The following CTXND1 variants were observed in gnomAD, a reference collection of about 807,000 sequenced individuals.
CTXND1 encodes cortexin domain-containing 1 protein.
At chr15:80,228,517 A>C (rs1893395803) in intron 1 of CTXND1, among the ~76,000 whole-genome samples, 1 of 152,100 alleles carries the variant, frequency 6.6e-6, no homozygotes, top group African/African-American at 2.4e-5. Flanking sequence ...AGTTTCCTTC[A>C]TGTTATGCCA....
intron 1 of CTXND1, among the ~76,000 whole-genome samples, chr15:80,222,662 A>G (rs1175649417): frequency 6.6e-6 from 1 of 152,178 alleles, no homozygotes; most frequent in East Asian, 1.9e-4. Context: ...TGAAATGGGT[A>G]TAGTTGTAAT....
At chr15:80,245,519 C>T (rs781206334) in intron 1 of CTXND1, among the ~76,000 whole-genome samples, 8 of 152,168 alleles carry the variant, frequency 5.3e-5, no homozygotes, top group Non-Finnish European at 1.0e-4. Context: ...GCACATGTCC[C>T]AAGATTGCCT....
rs2041437755 is a variant in CTXND1 at position 80,199,499 on chromosome 15, T to G, written c.*2271A>C. The G allele has an allele frequency of 6.6e-6, 1 of 152,270 alleles. No homozygotes were observed. 9.4% of individuals were successfully genotyped at this position (152,270 alleles called of 1,614,324 possible). A position where few individuals can be genotyped will look rare whatever the true frequency, so the allele number is the denominator to read the frequency against. ...TCTAGTTTGCATTGTAAATGCATGC[T>G]GATGAGCTTTTCACAGAAATGCCTG... On this transcript the variant is annotated 3_prime_UTR_variant, in exon 3 of 3. Transcript: ENST00000560778.
At chr15:80,220,880 C>T in intron 1 of CTXND1, among the ~76,000 whole-genome samples, 1 of 148,820 alleles carries the variant, frequency 6.7e-6, no homozygotes, top group African/African-American at 2.5e-5. Context: ...TTACTGAGCT[C>T]TATTATTAAT....
At chr15:80,232,941 CTTT>C (rs71455324) in intron 1 of CTXND1, among the ~76,000 whole-genome samples, 3 of 123,202 alleles carry the variant, frequency 2.4e-5, no homozygotes, top group Admixed American at 8.8e-5. Flanking sequence ...ATGCAACTTC[CTTT>C]TTTTTTTTTT....
intron 2 of CTXND1, 54 bp from the exon 3 acceptor site, chr15:80,202,068 G>C (rs1022235027): frequency 2.5e-6 from 1 of 397,546 alleles, no homozygotes. Flanking sequence ...GGTGCCTGGG[G>C]TGATTGCAGG....
rs2041442243 is a variant in CTXND1, at chr15:80,200,306, G to C, written c.*1464C>G. ...TTTCGTCCTCACAACAACCTTGCGA[G>C]GTAGATGTTATTCCCTCACTTTACA... On this transcript the variant is annotated 3_prime_UTR_variant, in exon 3 of 3. Coordinates refer to ENST00000560778, the MANE Select transcript of CTXND1 (RefSeq NM_001352888.2). 1 of 152,238 alleles carries C rather than the reference G, an allele frequency of 6.6e-6. No homozygotes were observed. Among genetic ancestry groups the C allele is most frequent in the African/African-American group, 2.4e-5 (1 of 41,454 alleles). The allele number at this position is 152,238 out of a possible 1,614,324, so 9.4% of individuals were successfully genotyped here. A position where few individuals can be genotyped will look rare whatever the true frequency, so the allele number is the denominator to read the frequency against.
At chr15:80,204,144 C>A (rs2142121658) in intron 1 of CTXND1, among the ~76,000 whole-genome samples, 1 of 2,052 alleles carries the variant, frequency 4.9e-4, no homozygotes, top group South Asian at 0.05. Context: ...AAGACTGTGT[C>A]TCAAAAAAAA....
intron 1 of CTXND1, among the ~76,000 whole-genome samples, chr15:80,239,813 G>T (rs1893544441): frequency 6.6e-6 from 1 of 152,056 alleles, no homozygotes; most frequent in African/African-American, 2.4e-5. Context: ...GCTCACTCAA[G>T]CCTCCCTGTC....
At chr15:80,235,917 T>C (rs1893490050) in intron 1 of CTXND1, among the ~76,000 whole-genome samples, 1 of 150,902 alleles carries the variant, frequency 6.6e-6, no homozygotes, top group Non-Finnish European at 1.5e-5. Context: ...GGAATTAATA[T>C]ACATAAAGCA....
At chr15:80,236,220 C>G (rs1387713956) in intron 1 of CTXND1, among the ~76,000 whole-genome samples, 1 of 151,862 alleles carries the variant, frequency 6.6e-6, no homozygotes, top group Non-Finnish European at 1.5e-5. Context: ...CGTTTCTGTA[C>G]AGACATAAAT....
intron 1 of CTXND1, among the ~76,000 whole-genome samples, chr15:80,224,133 T>C (rs28784615): frequency 0.25 from 37,723 of 152,008 alleles, 5,092 homozygotes; most frequent in Middle Eastern, 0.32. Flanking sequence ...GAGGGATGCC[T>C]GAGGAACCCC....
At chr15:80,202,194 C>T (rs1251067846) in intron 2 of CTXND1, among the ~76,000 whole-genome samples, 180 bp from the exon 3 acceptor site, 1 of 88,146 alleles carries the variant, frequency 1.1e-5, no homozygotes, top group Admixed American at 9.9e-5. Flanking sequence ...GGTCACAGCC[C>T]GAAACCTTGT....
chr15:80,247,666 G>A (rs752065665), intron 1 of CTXND1, among the ~76,000 whole-genome samples: 19 of 152,096 alleles, frequency 1.2e-4, no homozygotes, highest in Non-Finnish European at 1.8e-4. Context: ...AATTTTAGGA[G>A]AGTTAGATTT....
chr15:80,240,090 C>T (rs1418994034), intron 1 of CTXND1, among the ~76,000 whole-genome samples: 12 of 152,170 alleles, frequency 7.9e-5, no homozygotes, highest in African/African-American at 1.2e-4. Flanking sequence ...CTCAGCCTCC[C>T]GAGTAGCTGG....
intron 1 of CTXND1, among the ~76,000 whole-genome samples, chr15:80,208,298 A>G (rs1325142931): frequency 6.6e-6 from 1 of 152,232 alleles, no homozygotes; most frequent in African/African-American, 2.4e-5. Flanking sequence ...AGGGCTAGAA[A>G]TTTTGTTAAG....
intron 1 of CTXND1, among the ~76,000 whole-genome samples, chr15:80,204,254 A>T (rs1379000526): frequency 6.7e-6 from 1 of 149,386 alleles, no homozygotes; most frequent in Non-Finnish European, 1.5e-5. Flanking sequence ...ACTTAAAAAA[A>T]TGTGACCACA....
rs1460971714 is a variant in CTXND1 at position 80,200,127 on chromosome 15, G to A, written c.*1643C>T. On this transcript the variant is annotated 3_prime_UTR_variant, in exon 3 of 3. Transcript: ENST00000560778. Reference sequence around the variant, plus strand: ...TGGTTCCGGCTGGGAGATTTGGCCTGTAGGAAGCAGCCCTCAGAAGTTGAG... The same window carrying A: ...TGGTTCCGGCTGGGAGATTTGGCCTATAGGAAGCAGCCCTCAGAAGTTGAG... The A allele has an allele frequency of 1.3e-5, 2 of 152,308 alleles. No individual in the cohort carries two copies. The highest frequency in any genetic ancestry group is 3.8e-4 in the East Asian group (2 of 5,200). 9.4% of individuals were successfully genotyped at this position (152,308 alleles called of 1,614,324 possible).
intron 1 of CTXND1, among the ~76,000 whole-genome samples, chr15:80,204,569 G>A (rs192665365): frequency 2.7e-4 from 41 of 150,128 alleles, no homozygotes; most frequent in Non-Finnish European, 4.7e-4. Flanking sequence ...ATTTCATTAC[G>A]CATAATGTCC....
Sources: allele counts gnomAD v4.1 joint callset (sites outside exome capture counted in the v4.1 genomes callset), GRCh38; gene constraint gnomAD v4.1.1; transcripts MANE v1.5; gene names NCBI Gene and HGNC (gene_info 2026-07-23, HGNC 2026-07-21).